The following STAG3 variants were observed in gnomAD, a reference collection of about 807,000 sequenced individuals.
STAG3 encodes STAG3 cohesin complex component.
A neutral mutation model predicts 160.7 loss-of-function variants in STAG3; 101 were observed. The ratio of observed to expected loss-of-function variants is 0.63; its 90% confidence interval spans 0.54 to 0.74. STAG3 has a LOEUF of 0.74. Ranked by LOEUF, STAG3 falls within the 30% of genes least tolerant of loss-of-function variation. STAG3 has a pLI of 0.00. For synonymous variants in STAG3, 519 were observed against 585.0 expected (o/e 0.89, Z 1.63); for missense variants, 1,188 against 1,517.4 (o/e 0.78, Z 3.61).
chr7:100,213,905 T>C (rs1802528563), intron 33 of STAG3, 99 bp downstream of exon 33: 3 of 1,612,730 alleles, frequency 1.9e-6, no homozygotes, highest in African/African-American at 2.7e-5. Context: ...GGGGTGGCCC[T>C]CTGGGCTGTC....
At position 100,211,444 on chromosome 7, in the gene STAG3, C is replaced by A; in HGVS notation, c.3423C>A (p.Pro1141=). ...CCTGCTTCATTCCCAGCAGTCAGCC[C>A]GTCGCAGGCACCGAGAGGTCAAGGT... ...SELDFAQGSQ[P]VAGTERSRFL... is the part of the protein sequence containing the mutation. Residue 1141 remains proline (P), a synonymous_variant, in exon 31 of 34, where the codon CCC becomes CCA. Coordinates refer to ENST00000615138, the MANE Select transcript of STAG3 (RefSeq NM_001282717.2). 1 of 1,613,462 alleles carries A rather than the reference C, an allele frequency of 6.2e-7. No homozygotes were observed. Among genetic ancestry groups the A allele is most frequent in the East Asian group, 2.2e-5 (1 of 44,820 alleles).
chr7:100,199,387 A>G lies in STAG3; in HGVS notation c.1573+20A>G. The stretch of plus-strand genomic sequence containing the variant: ...ACCAGAGTACGTGTCACACGGAGCC[A>G]GGGACAGGGACCTTCCACCCCCTAG... On this transcript the variant is annotated intron_variant, in intron 15 of 33. Transcript: ENST00000615138. The G allele has an allele frequency of 6.2e-7, 1 of 1,603,750 alleles. No individual in the cohort carries two copies. The highest frequency in any genetic ancestry group is 8.5e-7 in the Non-Finnish European group (1 of 1,170,738).
At chr7:100,180,958 C>T in intron 2 of STAG3, 1 of 261,490 alleles carries the variant, frequency 3.8e-6, no homozygotes, top group Non-Finnish European at 7.4e-6. Flanking sequence ...CGGCTTACTG[C>T]AACCTCCGCC....
In STAG3 at chr7:100,198,602, T is replaced by C. The variant is rs887276903; in HGVS notation, c.1352+20T>C. 2 of 1,606,126 alleles carry C rather than the reference T, an allele frequency of 1.2e-6. No individual in the cohort carries two copies. Among genetic ancestry groups the C allele is most frequent in the African/African-American group, 1.3e-5 (1 of 74,780 alleles). Reference sequence around the variant, plus strand: ...CTGGAAGTGAGTGGGGCTCCTTTTATGTTTCTTTAACACCACGCTCTCGGT... The same window carrying C: ...CTGGAAGTGAGTGGGGCTCCTTTTACGTTTCTTTAACACCACGCTCTCGGT... On this transcript the variant is annotated intron_variant, in intron 13 of 33. Coordinates refer to ENST00000615138, the MANE Select transcript of STAG3 (RefSeq NM_001282717.2).
rs71126310 is a variant in STAG3 at position 100,184,463 on chromosome 7, G to GGTTTTTTTTTTTTTTTTTTTTTTTTT, written c.336+1624_336+1625insGTTTTTTTTTTTTTTTTTTTTTTTTT. Reference sequence around the variant, plus strand: ...TTATATGCAGTTGTACAGCGTGTTAGTTTTTTTTTTTTTTTTTTTTTTTGA... The same window carrying GGTTTTTTTTTTTTTTTTTTTTTTTTT: ...TTATATGCAGTTGTACAGCGTGTTAGGTTTTTTTTTTTTTTTTTTTTTTTTTTTTTTTTTTTTTTTTTTTTTTTTGA... On this transcript the variant is annotated intron_variant, in intron 4 of 33. Coordinates refer to ENST00000615138, the MANE Select transcript of STAG3 (RefSeq NM_001282717.2). Among the ~76,000 whole-genome samples the GGTTTTTTTTTTTTTTTTTTTTTTTTT allele has an allele frequency of 8.1e-5, 8 of 98,552 alleles. 1 individual carries two copies. The highest frequency in any genetic ancestry group is 3.2e-4 in the South Asian group (1 of 3,106). 64.7% of individuals were successfully genotyped at this position (98,552 alleles called of 152,430 possible). A position where few individuals can be genotyped will look rare whatever the true frequency, so the allele number is the denominator to read the frequency against.
chr7:100,211,428 T>A lies in STAG3; in HGVS notation c.3414-7T>A. 14 of 1,612,600 alleles carry A rather than the reference T, an allele frequency of 8.7e-6. No individual in the cohort carries two copies. Among genetic ancestry groups the A allele is most frequent in the Non-Finnish European group, 1.2e-5 (14 of 1,179,234 alleles). ...TTATCCCATCATTGATCCTGCTTCA[T>A]TCCCAGCAGTCAGCCCGTCGCAGGC... On this transcript the variant is annotated splice_polypyrimidine_tract_variant and splice_region_variant and intron_variant, in intron 30 of 33. Transcript: ENST00000615138.
rs567349310 is a variant in STAG3 at position 100,207,459 on chromosome 7, C to T, written c.3238+2075C>T. ...CTCATTGTGGTTTAAATTTGCATTTCCCTAATGACAAATGGTATTGAGCAT... is the reference window on the plus strand; with the variant it reads ...CTCATTGTGGTTTAAATTTGCATTTTCCTAATGACAAATGGTATTGAGCAT... On this transcript the variant is annotated intron_variant, in intron 29 of 33. Coordinates refer to ENST00000615138, the MANE Select transcript of STAG3 (RefSeq NM_001282717.2). The surrounding 1 kb of genome is among the most constrained non-coding windows in gnomAD (Gnocchi z 4.0). Among the ~76,000 whole-genome samples the T allele has an allele frequency of 6.7e-4, 102 of 152,192 alleles. 1 individual carries two copies. Among genetic ancestry groups the T allele is most frequent in the Non-Finnish European group, 1.1e-3 (77 of 68,014 alleles).
chr7:100,201,882 A>C lies in STAG3; in HGVS notation c.2301+16A>C. On this transcript the variant is annotated intron_variant, in intron 22 of 33. Transcript: ENST00000615138. ...TGCTTCCCAGGTGAGTGTGGGTCTT[A>C]GATGGGATAATGGGAACAGAGGAGT... 6.2e-7 allele frequency: 1 copy of C among 1,614,120 alleles called. No homozygotes were observed. Among genetic ancestry groups the C allele is most frequent in the Non-Finnish European group, 8.5e-7 (1 of 1,179,970 alleles).
At chr7:100,199,480 G>A (rs1800929264) in intron 15 of STAG3, 61 bp from the exon 16 acceptor site, 1 of 1,560,224 alleles carries the variant, frequency 6.4e-7, no homozygotes, top group East Asian at 2.3e-5. Context: ...GGTGGGGGGA[G>A]CTTGGAGTTG....
chr7:100,199,302 A>G lies in STAG3; in HGVS notation c.1508A>G (p.Asp503Gly). Reference protein sequence around the residue: ...HAAYLVDSLWDCAGARLKDWE... With the variant: ...HAAYLVDSLWGCAGARLKDWE... Reference sequence around the variant, plus strand: ...GCTTACTTAGTAGACAGTCTGTGGGACTGTGCAGGGGCTCGGCTGAAGGAC... The same window carrying G: ...GCTTACTTAGTAGACAGTCTGTGGGGCTGTGCAGGGGCTCGGCTGAAGGAC... The change falls in exon 15 of 34, where the codon GAC (aspartate) becomes GGC (glycine). Residue 503 changes from aspartate to glycine, a missense_variant. By Grantham distance (94) the Asp-to-Gly change is moderately conservative. This residue lies in a region of STAG3 where 240 missense variants were observed against 358.1 expected (regional missense o/e 0.67). Transcript: ENST00000615138. 1 of 1,614,120 alleles carries G rather than the reference A, an allele frequency of 6.2e-7. No homozygotes were observed. The highest frequency in any genetic ancestry group is 1.7e-5 in the Admixed American group (1 of 60,014).
At chr7:100,189,924 G>A (rs1195872378) in intron 8 of STAG3, among the ~76,000 whole-genome samples, 2 of 151,780 alleles carry the variant, frequency 1.3e-5, no homozygotes, top group Admixed American at 6.6e-5. Flanking sequence ...CTTGTCAAGT[G>A]TGCAGTGTGC....
chr7:100,180,880 GTT>G (rs35965210), intron 2 of STAG3: 1,743 of 220,540 alleles, frequency 7.9e-3, no homozygotes, highest in South Asian at 0.016. Context: ...AGTACATCCT[GTT>G]TTTTTTTTTT....
Position 100,214,199 on chromosome 7 carries a change from A to C in STAG3, c.*184A>C. Reference sequence around the variant, plus strand: ...CCCTCTGGGGTAGAGAAGCCGAGAGACCCTGTCCTCCCTAATGCACTGTGG... The same window carrying C: ...CCCTCTGGGGTAGAGAAGCCGAGAGCCCCTGTCCTCCCTAATGCACTGTGG... On this transcript the variant is annotated 3_prime_UTR_variant, in exon 34 of 34. Transcript: ENST00000615138. 1 of 790,126 alleles carries C rather than the reference A, an allele frequency of 1.3e-6. No homozygotes were observed. Among genetic ancestry groups the C allele is most frequent in the Non-Finnish European group, 2.0e-6 (1 of 498,078 alleles). 48.9% of individuals were successfully genotyped at this position (790,126 alleles called of 1,614,324 possible). A position where few individuals can be genotyped will look rare whatever the true frequency, so the allele number is the denominator to read the frequency against.
chr7:100,213,575 G>A (rs1056694607), intron 32 of STAG3, 160 bp from the exon 33 acceptor site: 2 of 985,308 alleles, frequency 2.0e-6, no homozygotes, highest in East Asian at 1.1e-4. Context: ...AGTCAGGCCT[G>A]ATCCTGGTGC....
Position 100,201,258 on chromosome 7 carries a change from C to T in STAG3, c.2133-6C>T, listed in dbSNP as rs751462010. On this transcript the variant is annotated splice_region_variant and splice_polypyrimidine_tract_variant and intron_variant, in intron 20 of 33. Coordinates refer to ENST00000615138, the MANE Select transcript of STAG3 (RefSeq NM_001282717.2). The stretch of plus-strand genomic sequence containing the variant: ...CCAGTATAACATTCCCCTTTCTCCC[C>T]CAAAGCACTCATGACCTGACTCGCT... The T allele has an allele frequency of 1.2e-6, 2 of 1,614,112 alleles. No homozygotes were observed. The highest frequency in any genetic ancestry group is 8.5e-7 in the Non-Finnish European group (1 of 1,180,008).
rs527805402 is a variant in STAG3 at position 100,199,170 on chromosome 7, C to T, written c.1468-92C>T. On this transcript the variant is annotated intron_variant, in intron 14 of 33. Transcript: ENST00000615138. ...AAATGGAGAAGGATGGGAGTGGACA[C>T]TGTAGGAAGGAGAGCGATATTTAAT... 1.1e-4 allele frequency: 110 copies of T among 986,816 alleles called. 1 individual carries two copies. The South Asian group carries it at 1.4e-3, about 12-fold the overall frequency. The allele number at this position is 986,816 out of a possible 1,614,324, so 61.1% of individuals were successfully genotyped here.
intron 33 of STAG3, 46 bp downstream of exon 33, chr7:100,213,852 G>A: frequency 6.2e-7 from 1 of 1,614,110 alleles, no homozygotes; most frequent in African/African-American, 1.3e-5. Context: ...GGAAATGCTG[G>A]CAGGCAACCC....
chr7:100,187,584 C>T (rs557790182), intron 5 of STAG3, among the ~76,000 whole-genome samples: 1 of 152,210 alleles, frequency 6.6e-6, no homozygotes, highest in South Asian at 2.1e-4. Flanking sequence ...TGATCCTTGG[C>T]CTTTGGCTGG....
chr7:100,184,491 C>T (rs1389407969), intron 4 of STAG3, among the ~76,000 whole-genome samples: 33 of 61,832 alleles, frequency 5.3e-4, no homozygotes, highest in African/African-American at 2.0e-3. Context: ...TTTTTTGAGA[C>T]GGAGTCTTGT....
Sources: allele counts gnomAD v4.1 joint callset (sites outside exome capture counted in the v4.1 genomes callset), GRCh38; gene constraint gnomAD v4.1.1; regional missense constraint gnomAD v4.1.1; non-coding constraint Gnocchi (gnomAD v3.1); transcripts MANE v1.5; gene names NCBI Gene and HGNC (gene_info 2026-07-23, HGNC 2026-07-21).